KIFC2: variants seen among roughly 807,000 people sequenced by gnomAD.
KIFC2 encodes the protein kinesin family member C2, also known as kinesin-like protein KIFC2.
KIFC2 carries 94 observed loss-of-function variants against 91.5 expected under a neutral mutation model. That is an observed-to-expected ratio of 1.03 (90% CI 0.87 to 1.22). The LOEUF (loss-of-function observed/expected upper bound fraction) is 1.22, where lower values mean the gene tolerates loss of function less well. Ranked by LOEUF, KIFC2 falls within the 50% of genes most tolerant of loss-of-function variation. The pLI, the probability that KIFC2 is intolerant of heterozygous loss-of-function variation, is 0.00. For missense variants in KIFC2, 1,357 were observed against 1,103.3 expected (o/e 1.23, Z -3.26); for synonymous variants, 729 against 503.9 (o/e 1.45, Z -5.98).
rs770925490 is a variant in KIFC2, at chr8:144,468,367, T to C, written c.849T>C (p.Leu283=). 1 of 1,612,810 alleles carries C rather than the reference T, an allele frequency of 6.2e-7. No individual in the cohort carries two copies. Among genetic ancestry groups the C allele is most frequent in the South Asian group, 1.1e-5 (1 of 90,970 alleles). ...AEALLELQGR[L]QEAQDTTEAL... ...CATTGCTAGAGCTCCAGGGCCGGCT[T>C]CAGGAGGCCCAAGACACCACAGAAG... The change falls in exon 8 of 18, where the codon CTT becomes CTC. Residue 283 remains leucine (L), a synonymous_variant. Transcript: ENST00000645548.
intron 16 of KIFC2, 22 bp downstream of exon 16, chr8:144,472,728 C>G (rs1295599987): frequency 1.3e-6 from 2 of 1,592,396 alleles, no homozygotes; most frequent in Admixed American, 3.4e-5. Context: ...GGTGCCTGAG[C>G]CCTGCGGAGT....
Position 144,469,335 on chromosome 8 carries a change from A to T in KIFC2, c.1178A>T (p.Gln393Leu). Residue 393 changes from glutamine (Q) to leucine (L), a missense_variant, in exon 11 of 18, where the codon CAA (glutamine) becomes CTA (leucine). By Grantham distance (113) the Gln-to-Leu change is moderately radical. Transcript: ENST00000645548. ...GGCACTCAGCTCCCTGAGGGGCAGC[A>T]AGGGCCCCCAGCCGGATGCCCAGGG... ...GPGTQLPEGQ[Q>L]GPPAGCPGRL... 6.2e-7 allele frequency: 1 copy of T among 1,608,356 alleles called. No individual in the cohort carries two copies. Among genetic ancestry groups the T allele is most frequent in the Non-Finnish European group, 8.5e-7 (1 of 1,178,530 alleles).
In KIFC2 at chr8:144,472,668, TGC is replaced by T; in HGVS notation, c.1829_1830del (p.Ala610GlyfsTer237). ...TCGCATGCCCTGGTCACGCTGACGC[TGC>T]GCGCGGCGTCTCCACCGCGCGCTCC... On this transcript the variant is annotated frameshift_variant, in exon 16 of 18. Coordinates refer to ENST00000645548, the MANE Select transcript of KIFC2 (RefSeq NM_001369769.2). LOFTEE classifies it high-confidence loss of function. 1.3e-6 allele frequency: 2 copies of T among 1,597,132 alleles called. No individual in the cohort carries two copies. Among genetic ancestry groups the T allele is most frequent in the Non-Finnish European group, 1.7e-6 (2 of 1,178,478 alleles).
In KIFC2 at chr8:144,473,588, C is replaced by T. The variant is rs1825033298; in HGVS notation, c.*199C>T. On this transcript the variant is annotated 3_prime_UTR_variant, in exon 18 of 18. Coordinates refer to ENST00000645548, the MANE Select transcript of KIFC2 (RefSeq NM_001369769.2). The stretch of plus-strand genomic sequence containing the variant: ...TGCCTGCTGAAGTGATCACCCCCCG[C>T]CCCCAGCCCTGCATCAGGCCACAGG... 4 of 747,358 alleles carry T rather than the reference C, an allele frequency of 5.4e-6. No homozygotes were observed. Among genetic ancestry groups the T allele is most frequent in the African/African-American group, 1.9e-5 (1 of 53,714 alleles). 46.3% of individuals were successfully genotyped at this position (747,358 alleles called of 1,614,324 possible). A position where few individuals can be genotyped will look rare whatever the true frequency, so the allele number is the denominator to read the frequency against.
Position 144,472,570 on chromosome 8 carries a change from C to T in KIFC2, c.1732-7C>T. On this transcript the variant is annotated splice_region_variant and splice_polypyrimidine_tract_variant and intron_variant, in intron 15 of 17. Coordinates refer to ENST00000645548, the MANE Select transcript of KIFC2 (RefSeq NM_001369769.2). ...GCACCTGACCAGCCCTTCGCCCCGCCTTCCAGATGCTGAAACTGGGGAGGA... is the reference window on the plus strand; with the variant it reads ...GCACCTGACCAGCCCTTCGCCCCGCTTTCCAGATGCTGAAACTGGGGAGGA... 1.9e-6 allele frequency: 3 copies of T among 1,611,570 alleles called. No homozygotes were observed. Among genetic ancestry groups the T allele is most frequent in the Non-Finnish European group, 2.5e-6 (3 of 1,179,822 alleles).
chr8:144,468,147 T>G, intron 7 of KIFC2, 160 bp downstream of exon 7: 1 of 1,097,500 alleles, frequency 9.1e-7, no homozygotes, highest in East Asian at 2.6e-5. Context: ...CCCCTCTCCG[T>G]GGCCCCTCTG....
Position 144,467,352 on chromosome 8 carries a change from G to T in KIFC2, c.469+11G>T. The stretch of plus-strand genomic sequence containing the variant: ...CCCCCTCTCCAGATGGTGAGTAAAG[G>T]ACAGTAAGTTGAAGAAGAACTCTGG... On this transcript the variant is annotated intron_variant, in intron 4 of 17. Coordinates refer to ENST00000645548, the MANE Select transcript of KIFC2 (RefSeq NM_001369769.2). 6.3e-7 allele frequency: 1 copy of T among 1,588,162 alleles called. No homozygotes were observed.
Position 144,469,090 on chromosome 8 carries a change from C to T in KIFC2, c.1114-181C>T, listed in dbSNP as rs542112046. Among the ~76,000 whole-genome samples, 65 of 152,350 alleles carry T rather than the reference C, an allele frequency of 4.3e-4. No homozygotes were observed. In the Middle Eastern group the frequency reaches 0.01, roughly 24 times the overall value. On this transcript the variant is annotated intron_variant, in intron 10 of 17. Coordinates refer to ENST00000645548, the MANE Select transcript of KIFC2 (RefSeq NM_001369769.2). The stretch of plus-strand genomic sequence containing the variant: ...GATGTGGTGTTCCTGCCTGTCATTC[C>T]TGGGCTTTATCCTGGGGTTACTCAA...
At position 144,467,988 on chromosome 8, in the gene KIFC2, G is replaced by A; in HGVS notation, c.810+1G>A. The A allele has an allele frequency of 3.9e-6, 6 of 1,548,134 alleles. No individual in the cohort carries two copies. Among genetic ancestry groups the A allele is most frequent in the Non-Finnish European group, 5.2e-6 (6 of 1,154,326 alleles). On this transcript the variant is annotated splice_donor_variant, in intron 7 of 17. Coordinates refer to ENST00000645548, the MANE Select transcript of KIFC2 (RefSeq NM_001369769.2). LOFTEE classifies it high-confidence loss of function. ...CGGGCCCCCCATCAGGGCTCCGCAG[G>A]TACTCTGCTCCCGAGCTGCAGCCGT...
At chr8:144,471,726 C>T (rs951791033) in intron 12 of KIFC2, among the ~76,000 whole-genome samples, 2 of 152,132 alleles carry the variant, frequency 1.3e-5, no homozygotes, top group African/African-American at 4.8e-5. Flanking sequence ...TGTGTCTTTT[C>T]CCTTCTTTGC....
intron 3 of KIFC2, 37 bp downstream of exon 3, chr8:144,467,147 C>T (rs773399867): frequency 3.1e-6 from 5 of 1,611,954 alleles, no homozygotes; most frequent in South Asian, 1.1e-5. Context: ...CAGGTACCAC[C>T]TGCCCCGGCC....
rs1269203946 is a variant in KIFC2 at position 144,467,201 on chromosome 8, A to G, written c.331-2A>G. The G allele has an allele frequency of 1.2e-6, 2 of 1,613,526 alleles. No individual in the cohort carries two copies. The highest frequency in any genetic ancestry group is 2.7e-5 in the African/African-American group (2 of 75,050). On this transcript the variant is annotated splice_acceptor_variant, in intron 3 of 17. Transcript: ENST00000645548. LOFTEE classifies it high-confidence loss of function. ...CTGCTCGGATTCTTGTCTCCTTCGC[A>G]GTCTGGCGAGGTCCCCTCACTGTTG...
At position 144,473,664 on chromosome 8, in the gene KIFC2, G is replaced by C; in HGVS notation, c.*275G>C. On this transcript the variant is annotated 3_prime_UTR_variant, in exon 18 of 18. Transcript: ENST00000645548. ...TGCTGTTATCACGGCACACAGCAGG[G>C]AATCCCAGGCCCCCCCGCCAAGTGG... 1 of 495,902 alleles carries C rather than the reference G, an allele frequency of 2.0e-6. No individual in the cohort carries two copies. Among genetic ancestry groups the C allele is most frequent in the Admixed American group, 3.9e-5 (1 of 25,326 alleles). 30.7% of individuals were successfully genotyped at this position (495,902 alleles called of 1,614,324 possible). A position where few individuals can be genotyped will look rare whatever the true frequency, so the allele number is the denominator to read the frequency against.
chr8:144,466,503 C>A lies in KIFC2; in HGVS notation c.84C>A (p.Pro28=). The A allele has an allele frequency of 7.7e-7, 1 of 1,301,074 alleles. No individual in the cohort carries two copies. The highest frequency in any genetic ancestry group is 9.8e-7 in the Non-Finnish European group (1 of 1,017,618). The allele number at this position is 1,301,074 out of a possible 1,614,324, so 80.6% of individuals were successfully genotyped here. ...RDGGAAAAAE[P]GDPAQRARKP... is the part of the protein sequence containing the mutation. ...GTGGCGCCGCGGCGGCCGCGGAGCCCGGGGACCCCGCCCAGGTGAGCGGGG... is the reference window on the plus strand; with the variant it reads ...GTGGCGCCGCGGCGGCCGCGGAGCCAGGGGACCCCGCCCAGGTGAGCGGGG... The change falls in exon 1 of 18, where the codon CCC becomes CCA. Residue 28 remains proline, a synonymous_variant. Coordinates refer to ENST00000645548, the MANE Select transcript of KIFC2 (RefSeq NM_001369769.2).
In KIFC2 at chr8:144,473,176, C is replaced by G. The variant is rs746497996; in HGVS notation, c.2163C>G (p.Leu721=). Residue 721 remains leucine (L), a synonymous_variant, in exon 18 of 18, where the codon CTC becomes CTG. Coordinates refer to ENST00000645548, the MANE Select transcript of KIFC2 (RefSeq NM_001369769.2). ...PEDLGETVCS[L]KFADRVGQVE... is the part of the protein sequence containing the mutation. Reference sequence around the variant, plus strand: ...ATCTCGGGGAGACAGTCTGCTCCCTCAAGTTCGCCGACCGAGTGGGTCAAG... The same window carrying G: ...ATCTCGGGGAGACAGTCTGCTCCCTGAAGTTCGCCGACCGAGTGGGTCAAG... 2 of 1,579,534 alleles carry G rather than the reference C, an allele frequency of 1.3e-6. No homozygotes were observed. The highest frequency in any genetic ancestry group is 1.8e-5 in the Admixed American group (1 of 55,564).
Position 144,469,282 on chromosome 8 carries a change from C to T in KIFC2, c.1125C>T (p.Ala375=), listed in dbSNP as rs565897084. The change falls in exon 11 of 18, where the codon GCC becomes GCT. Residue 375 remains alanine, a synonymous_variant. Coordinates refer to ENST00000645548, the MANE Select transcript of KIFC2 (RefSeq NM_001369769.2). ...LSEARGQVSW[A]LGALSSGGPG... is the part of the protein sequence containing the mutation. ...CCCTGTTCCCTCAGGTGTCCTGGGC[C>T]TTGGGGGCACTGTCATCTGGAGGGC... 15 of 1,597,904 alleles carry T rather than the reference C, an allele frequency of 9.4e-6. No individual in the cohort carries two copies. The African/African-American group carries it at 1.2e-4, about 13-fold the overall frequency.
At position 144,472,706 on chromosome 8, in the gene KIFC2, G is replaced by C. The variant is rs1824981588; in HGVS notation, c.1861G>C (p.Gly621Arg). Residue 621 changes from glycine to arginine, a missense_variant and splice_region_variant, in exon 16 of 18, where the codon GGC becomes CGC. Physicochemically the swap from Gly to Arg is moderately radical, Grantham distance 125. Transcript: ENST00000645548. ...TCCACCGCGCGCTCCAGGCACCGCA[G>C]GTACCACGGCCGGTGCCTGAGCCCT... The part of the protein sequence containing the change: ...ASPPRAPGTA[G>R]TLHLVDLAGS... 1 of 1,594,024 alleles carries C rather than the reference G, an allele frequency of 6.3e-7. No individual in the cohort carries two copies. Among genetic ancestry groups the C allele is most frequent in the Non-Finnish European group, 8.5e-7 (1 of 1,177,644 alleles).
Position 144,472,263 on chromosome 8 carries a change from G to T in KIFC2, c.1607+4G>T. 1.9e-6 allele frequency: 3 copies of T among 1,613,254 alleles called. No individual in the cohort carries two copies. Among genetic ancestry groups the T allele is most frequent in the Non-Finnish European group, 2.5e-6 (3 of 1,179,960 alleles). ...AGATCTACAATGAGGCTGTCAGGTG[G>T]GCTACTCCACCAGGGAGGCCTTCTC... On this transcript the variant is annotated splice_donor_region_variant and intron_variant, in intron 14 of 17. Coordinates refer to ENST00000645548, the MANE Select transcript of KIFC2 (RefSeq NM_001369769.2).
Position 144,467,335 on chromosome 8 carries a change from C to T in KIFC2, c.463C>T (p.Pro155Ser), listed in dbSNP as rs748461260. The change falls in exon 4 of 18, where the codon CCA becomes TCA. Residue 155 changes from proline to serine, a missense_variant. Pro to Ser is a moderately conservative substitution (Grantham distance 74). Coordinates refer to ENST00000645548, the MANE Select transcript of KIFC2 (RefSeq NM_001369769.2). ...AGCCCCTCGGGTCCGGCCCCCCTCTCCAGATGGTGAGTAAAGGACAGTAAG... is the reference window on the plus strand; with the variant it reads ...AGCCCCTCGGGTCCGGCCCCCCTCTTCAGATGGTGAGTAAAGGACAGTAAG... Reference protein sequence around the residue: ...QPAPRVRPPSPDGSTSQEESP... With the variant: ...QPAPRVRPPSSDGSTSQEESP... The T allele has an allele frequency of 6.2e-7, 1 of 1,605,758 alleles. No homozygotes were observed. The highest frequency in any genetic ancestry group is 1.3e-5 in the African/African-American group (1 of 74,676).
Sources: allele counts gnomAD v4.1 joint callset (sites outside exome capture counted in the v4.1 genomes callset), GRCh38; gene constraint gnomAD v4.1.1; transcripts MANE v1.5; gene names NCBI Gene and HGNC (gene_info 2026-07-23, HGNC 2026-07-21).